CYTH3: variants seen among roughly 807,000 people sequenced by gnomAD.
The protein encoded by CYTH3 is cytohesin 3, also known as cytohesin-3.
In CYTH3, 23 loss-of-function variants were observed where a neutral mutation model predicts 55.1. The ratio of observed to expected loss-of-function variants is 0.42; its 90% confidence interval spans 0.30 to 0.59. CYTH3 has a LOEUF of 0.59. CYTH3 is among the 20% of genes least tolerant of loss of function. CYTH3 has a pLI of 0.20. For missense variants in CYTH3, 413 were observed against 524.8 expected (o/e 0.79, Z 2.08); for synonymous variants, 249 against 194.9 (o/e 1.28, Z -2.31).
chr7:6,164,624 G>A lies in CYTH3; in HGVS notation c.*320C>T, dbSNP rs1782932065. ...TGCTGTCCTGGCTTCTCCCCCTAGG[G>A]GCGCCGGGATGGTCGCAGGAAGGAA... On this transcript the variant is annotated 3_prime_UTR_variant, in exon 13 of 13. Coordinates refer to ENST00000350796, the MANE Select transcript of CYTH3 (RefSeq NM_004227.4). The A allele has an allele frequency of 5.2e-6, 2 of 386,422 alleles. No homozygotes were observed. Among genetic ancestry groups the A allele is most frequent in the Admixed American group, 4.1e-5 (1 of 24,608 alleles). 23.9% of individuals were successfully genotyped at this position (386,422 alleles called of 1,614,324 possible). A position where few individuals can be genotyped will look rare whatever the true frequency, so the allele number is the denominator to read the frequency against.
In CYTH3 at chr7:6,164,790, G is replaced by T; in HGVS notation, c.*154C>A. ...CCCAGGACCCCAGCCACGGCACGAGGCCTTGGGGATACCACCTGGGCCACG... is the reference window on the plus strand; with the variant it reads ...CCCAGGACCCCAGCCACGGCACGAGTCCTTGGGGATACCACCTGGGCCACG... On this transcript the variant is annotated 3_prime_UTR_variant, in exon 13 of 13. Transcript: ENST00000350796. The T allele has an allele frequency of 1.2e-6, 1 of 826,516 alleles. No homozygotes were observed. Among genetic ancestry groups the T allele is most frequent in the Non-Finnish European group, 2.0e-6 (1 of 498,358 alleles). 51.2% of individuals were successfully genotyped at this position (826,516 alleles called of 1,614,324 possible). A position where few individuals can be genotyped will look rare whatever the true frequency, so the allele number is the denominator to read the frequency against.
At chr7:6,194,189 G>A (rs1251412084) in intron 1 of CYTH3, among the ~76,000 whole-genome samples, 1 of 152,222 alleles carries the variant, frequency 6.6e-6, no homozygotes, top group African/African-American at 2.4e-5. Flanking sequence ...GATAAAAGTG[G>A]TTACACCTTG....
chr7:6,195,017 AAG>A (rs1002166317), intron 1 of CYTH3, among the ~76,000 whole-genome samples: 34 of 152,076 alleles, frequency 2.2e-4, no homozygotes, highest in Non-Finnish European at 1.8e-4. Flanking sequence ...AGAAAAAAGA[AAG>A]AGACAAATGA....
At chr7:6,216,537 G>C (rs1784431616) in intron 1 of CYTH3, among the ~76,000 whole-genome samples, 3 of 151,860 alleles carry the variant, frequency 2.0e-5, no homozygotes, top group Non-Finnish European at 2.9e-5. Flanking sequence ...TCAGGAGTTT[G>C]AGACCAGCCT....
chr7:6,249,268 C>T (rs991881658), intron 1 of CYTH3, among the ~76,000 whole-genome samples: 11 of 152,118 alleles, frequency 7.2e-5, no homozygotes, highest in African/African-American at 2.2e-4. Context: ...CTGGAGAAGC[C>T]GCATAAACAA....
In CYTH3 at chr7:6,169,903, C is replaced by G. The variant is rs1783122718; in HGVS notation, c.823+632G>C. On this transcript the variant is annotated intron_variant, in intron 9 of 12. Transcript: ENST00000350796. This position sits in a 1 kb window ranked among gnomAD's most constrained non-coding sequence, Gnocchi z 4.1. ...ATGTGCTCCAGGTCCCAGCCACTCT[C>G]AGCCCCGCCCCTGGGGGTGGGTGTA... Among the ~76,000 whole-genome samples, 1 of 152,186 alleles carries G rather than the reference C, an allele frequency of 6.6e-6. No individual in the cohort carries two copies. Among genetic ancestry groups the G allele is most frequent in the Non-Finnish European group, 1.5e-5 (1 of 68,038 alleles).
chr7:6,272,561 G>T lies in CYTH3; in HGVS notation c.-54C>A, dbSNP rs1583214668. On this transcript the variant is annotated 5_prime_UTR_variant, in exon 1 of 13. Coordinates refer to ENST00000350796, the MANE Select transcript of CYTH3 (RefSeq NM_004227.4). ...CGGGGGCCGGCAGCAGAGGGGCCGC[G>T]GGCTGGGGACGCCGCCGGAGGGAGC... is the stretch of plus-strand genomic sequence containing the variant. 1 of 1,234,350 alleles carries T rather than the reference G, an allele frequency of 8.1e-7. No individual in the cohort carries two copies. The allele number at this position is 1,234,350 out of a possible 1,614,324, so 76.5% of individuals were successfully genotyped here. A position where few individuals can be genotyped will look rare whatever the true frequency, so the allele number is the denominator to read the frequency against.
chr7:6,216,495 T>C (rs1467246025), intron 1 of CYTH3, among the ~76,000 whole-genome samples: 1 of 151,908 alleles, frequency 6.6e-6, no homozygotes. Context: ...TGCTAGCACT[T>C]TGGGAGGCTG....
At chr7:6,214,557 C>G (rs770359739) in intron 1 of CYTH3, among the ~76,000 whole-genome samples, 6 of 152,246 alleles carry the variant, frequency 3.9e-5, no homozygotes, top group Admixed American at 2.0e-4. Flanking sequence ...ATTTTCAGCC[C>G]TGGAGTTCCC....
intron 1 of CYTH3, among the ~76,000 whole-genome samples, chr7:6,270,779 G>A (rs1780629661): frequency 6.6e-6 from 1 of 152,096 alleles, no homozygotes; most frequent in Non-Finnish European, 1.5e-5. Context: ...AACAACCCAA[G>A]GACAATTTTA....
At chr7:6,208,863 G>A (rs777831469) in intron 1 of CYTH3, among the ~76,000 whole-genome samples, 1 of 152,150 alleles carries the variant, frequency 6.6e-6, no homozygotes, top group Admixed American at 6.6e-5. Flanking sequence ...TTATAACATG[G>A]TCTAAAGATC....
chr7:6,251,409 T>C (rs1474874220), intron 1 of CYTH3, among the ~76,000 whole-genome samples: 1 of 151,738 alleles, frequency 6.6e-6, no homozygotes, highest in Non-Finnish European at 1.5e-5. Context: ...CTTGAAGGGC[T>C]ACAAAAGCGT....
At chr7:6,245,145 C>T (rs988480040) in intron 1 of CYTH3, among the ~76,000 whole-genome samples, 6 of 151,384 alleles carry the variant, frequency 4.0e-5, no homozygotes, top group African/African-American at 1.2e-4. Context: ...TAAAATGTTA[C>T]AAAATTGCTA....
At chr7:6,189,850 C>G (rs544242646) in intron 2 of CYTH3, among the ~76,000 whole-genome samples, 1 of 152,132 alleles carries the variant, frequency 6.6e-6, no homozygotes, top group Non-Finnish European at 1.5e-5. Flanking sequence ...ATCTGCCTAA[C>G]ACAGTGAAAC....
intron 1 of CYTH3, among the ~76,000 whole-genome samples, chr7:6,213,967 G>A (rs1784375814): frequency 6.6e-6 from 1 of 152,158 alleles, no homozygotes; most frequent in African/African-American, 2.4e-5. Context: ...GGCTCATGGA[G>A]TGCAGGGAAA....
intron 1 of CYTH3, among the ~76,000 whole-genome samples, chr7:6,234,062 C>A (rs181789440): frequency 5.1e-4 from 77 of 152,266 alleles, no homozygotes; most frequent in African/African-American, 1.8e-3. Flanking sequence ...CACCTCAGGG[C>A]GAGGATTTTA....
At chr7:6,259,780 ATATAATAT>A (rs1780264731) in intron 1 of CYTH3, among the ~76,000 whole-genome samples, 1 of 22,160 alleles carries the variant, frequency 4.5e-5, no homozygotes, top group Non-Finnish European at 5.8e-5. Flanking sequence ...TATTATATAT[ATATAATAT>A]ATATATATAT....
At chr7:6,205,158 C>G (rs769462743) in intron 1 of CYTH3, among the ~76,000 whole-genome samples, 1 of 152,026 alleles carries the variant, frequency 6.6e-6, no homozygotes, top group Non-Finnish European at 1.5e-5. Context: ...AAGCAATACT[C>G]TCTCAAAAAA....
chr7:6,224,065 T>C (rs950093592), intron 1 of CYTH3, among the ~76,000 whole-genome samples: 1 of 151,974 alleles, frequency 6.6e-6, no homozygotes, highest in South Asian at 2.1e-4. Context: ...CAAAAACACG[T>C]CTTCACACAG....
Sources: allele counts gnomAD v4.1 joint callset (sites outside exome capture counted in the v4.1 genomes callset), GRCh38; gene constraint gnomAD v4.1.1; non-coding constraint Gnocchi (gnomAD v3.1); transcripts MANE v1.5; gene names NCBI Gene and HGNC (gene_info 2026-07-23, HGNC 2026-07-21).